Variants in RIC3 observed in about 807,000 individuals in gnomAD.
RIC3 encodes the protein RIC3 acetylcholine receptor chaperone, also known as protein RIC-3.
Under a neutral mutation model 27.3 loss-of-function variants are expected in RIC3, and 28 were observed. The ratio of observed to expected loss-of-function variants is 1.02; its 90% CI spans 0.76 to 1.41. RIC3 has a LOEUF of 1.41. RIC3 is among the 40% of genes most tolerant of loss of function. The pLI is 0.00. For missense variants in RIC3, 501 were observed against 444.7 expected (o/e 1.13, Z -1.14); for synonymous variants, 184 against 160.4 (o/e 1.15, Z -1.11).
the RIC3 span, among the ~76,000 whole-genome samples, chr11:8,098,270 G>A: frequency 6.6e-6 from 1 of 152,136 alleles, no homozygotes; most frequent in Non-Finnish European, 1.5e-5. Context: ...GGGCAGTGGG[G>A]AGGTAGGGTT....
chr11:8,099,309 G>A, the RIC3 span, among the ~76,000 whole-genome samples: 1 of 152,276 alleles, frequency 6.6e-6, no homozygotes, highest in South Asian at 2.1e-4. Flanking sequence ...AAGCTCAGCT[G>A]CAGATGTCAC....
At chr11:8,119,220 C>A (rs2133460513) in intron 5 of RIC3, among the ~76,000 whole-genome samples, 1 of 152,300 alleles carries the variant, frequency 6.6e-6, no homozygotes, top group South Asian at 2.1e-4. Flanking sequence ...CGTACACGCT[C>A]AGACACATGC....
intron 4 of RIC3, among the ~76,000 whole-genome samples, chr11:8,128,944 C>A (rs181464810): frequency 6.6e-6 from 1 of 151,556 alleles, no homozygotes; most frequent in African/African-American, 2.4e-5. Context: ...TTAGTAGAGA[C>A]GGGGTTTCAC....
At chr11:8,136,555 C>T (rs1037450073) in intron 4 of RIC3, among the ~76,000 whole-genome samples, 1 of 152,170 alleles carries the variant, frequency 6.6e-6, no homozygotes, top group Non-Finnish European at 1.5e-5. Flanking sequence ...CTTTCAGATC[C>T]TCAGCCAGCC....
downstream of RIC3, chr11:8,105,140 C>T (rs1944495584): frequency 6.6e-6 from 1 of 152,198 alleles, no homozygotes; most frequent in African/African-American, 2.4e-5. Flanking sequence ...ATTTCATCTC[C>T]TAGATGGACT....
intron 1 of RIC3, among the ~76,000 whole-genome samples, chr11:8,144,607 T>C (rs891824094): frequency 1.3e-5 from 2 of 151,966 alleles, no homozygotes; most frequent in Admixed American, 1.3e-4. Context: ...TCAACCATTG[T>C]GGAAGTCAGT....
rs80168649 is a variant in RIC3 at position 8,138,337 on chromosome 11, C to G, written c.362G>C (p.Gly121Ala). The part of the protein sequence containing the change: ...ILYILFKLSK[G>A]KTTAEDGKCY... ...TTTCCCATCCTCTGCAGTTGTTTTC[C>G]CCTTTGAGAGCTGAGAATTGAAGGA... The change falls in exon 3 of 6, where the codon GGG (glycine) becomes GCG (alanine). Residue 121 changes from glycine (G) to alanine (A), a missense_variant. Gly to Ala is a moderately conservative substitution (Grantham distance 60). Coordinates refer to ENST00000309737, the MANE Select transcript of RIC3 (RefSeq NM_001206671.4). 0.011 allele frequency: 17,026 copies of G among 1,611,466 alleles called. 163 individuals carry two copies. The highest frequency in any genetic ancestry group is 0.013 in the Non-Finnish European group (15,187 of 1,177,758).
In RIC3 at chr11:8,144,597, T is replaced by G. The variant is rs1462295685; in HGVS notation, c.125-4404A>C. 6.1e-5 allele frequency among the ~76,000 whole-genome samples: 9 copies of G among 147,190 alleles called. No homozygotes were observed. In the East Asian group the frequency reaches 1.6e-3, roughly 26 times the overall value. ...ACTGTTGGTGGGACTGTAAACTAGT[T>G]CAACCATTGTGGAAGTCAGTGTGGT... On this transcript the variant is annotated intron_variant, in intron 1 of 5. Coordinates refer to ENST00000309737, the MANE Select transcript of RIC3 (RefSeq NM_001206671.4).
chr11:8,137,361 G>A lies in RIC3; in HGVS notation c.521+17C>T, dbSNP rs112848789. On this transcript the variant is annotated intron_variant, in intron 4 of 5. Coordinates refer to ENST00000309737, the MANE Select transcript of RIC3 (RefSeq NM_001206671.4). ...CTAAATGAGAAATAGTCTGAGTCCC[G>A]TTACATGAAAACCTACCTCTCACCA... 2,333 of 1,601,236 alleles carry A rather than the reference G, an allele frequency of 1.5e-3. 23 individuals are homozygous for A. The African/African-American group carries it at 0.027, about 19-fold the overall frequency.
rs1174402888 is a variant in RIC3, at chr11:8,168,907, A to C, written c.83T>G (p.Leu28Arg). The C allele has an allele frequency of 1.9e-6, 3 of 1,612,032 alleles. No individual in the cohort carries two copies. The highest frequency in any genetic ancestry group is 2.5e-6 in the Non-Finnish European group (3 of 1,179,108). The part of the protein sequence containing the change: ...ALSLLLPKAF[L>R]SRGKRQEPPP... Reference sequence around the variant, plus strand: ...CGGCTCCTGCCGCTTCCCGCGGGACAGGAAGGCCTTGGGCAGCAGCAGCGA... The same window carrying C: ...CGGCTCCTGCCGCTTCCCGCGGGACCGGAAGGCCTTGGGCAGCAGCAGCGA... Residue 28 changes from leucine (L) to arginine (R), a missense_variant, in exon 1 of 6, where the codon CTG (leucine) becomes CGG (arginine). Coordinates refer to ENST00000309737, the MANE Select transcript of RIC3 (RefSeq NM_001206671.4).
intron 5 of RIC3, among the ~76,000 whole-genome samples, chr11:8,124,337 T>C (rs894077148): frequency 6.6e-6 from 1 of 152,134 alleles, no homozygotes; most frequent in African/African-American, 2.4e-5. Context: ...CCCTCACATA[T>C]GCAAGACCTA....
At chr11:8,164,469 T>C (rs1951487136) in intron 1 of RIC3, among the ~76,000 whole-genome samples, 1 of 152,076 alleles carries the variant, frequency 6.6e-6, no homozygotes, top group African/African-American at 2.4e-5. Flanking sequence ...CAAAGAACTC[T>C]TACAACTCAA....
At chr11:8,100,436 TC>T in the RIC3 span, 105 of 1,261,954 alleles carry the variant, frequency 8.3e-5, 2 homozygotes, top group South Asian at 2.6e-4. Context: ...TTTATTCCCG[TC>T]CCCCCCACCT....
intron 1 of RIC3, chr11:8,153,358 T>C (rs1012327130): frequency 1.4e-5 from 6 of 433,964 alleles, no homozygotes; most frequent in African/African-American, 8.2e-5. Context: ...ATAGTTACAA[T>C]GACATGGTAA....
At chr11:8,130,712 C>A (rs1283391565) in intron 4 of RIC3, among the ~76,000 whole-genome samples, 2 of 152,010 alleles carry the variant, frequency 1.3e-5, no homozygotes, top group African/African-American at 2.4e-5. Flanking sequence ...TAAAGCACAG[C>A]AAATCATGAC....
intron 5 of RIC3, among the ~76,000 whole-genome samples, chr11:8,116,290 A>C (rs1246962448): frequency 6.6e-6 from 1 of 152,228 alleles, no homozygotes; most frequent in Non-Finnish European, 1.5e-5. Flanking sequence ...CTCAAAATGC[A>C]CTGAAGACTT....
the RIC3 span, among the ~76,000 whole-genome samples, chr11:8,100,290 G>A: frequency 4.6e-5 from 7 of 152,312 alleles, no homozygotes; most frequent in African/African-American, 1.7e-4. Flanking sequence ...ATTGCCGTGA[G>A]CAGAAGCAAG....
chr11:8,157,134 T>A (rs887306018), intron 1 of RIC3, among the ~76,000 whole-genome samples: 33 of 152,164 alleles, frequency 2.2e-4, no homozygotes. Context: ...TCTGTGATCA[T>A]GACGGATCAA....
At position 8,163,018 on chromosome 11, in the gene RIC3, A is replaced by AACACACACACACACACACACAC. The variant is rs59248468; in HGVS notation, c.124+5826_124+5847dup. On this transcript the variant is annotated intron_variant, in intron 1 of 5. Transcript: ENST00000309737. ...CCTTCTTTTTCATCTGGATTATTTAAACACACACACACACACACACACACA... is the reference window on the plus strand; with the variant it reads ...CCTTCTTTTTCATCTGGATTATTTAAACACACACACACACACACACACACACACACACACACACACACACACA... Among the ~76,000 whole-genome samples, 76 of 136,038 alleles carry AACACACACACACACACACACAC rather than the reference A, an allele frequency of 5.6e-4. 1 individual carries two copies. The highest frequency in any genetic ancestry group is 1.2e-3 in the African/African-American group (42 of 36,454). 89.2% of individuals were successfully genotyped at this position (136,038 alleles called of 152,430 possible). A position where few individuals can be genotyped will look rare whatever the true frequency, so the allele number is the denominator to read the frequency against.
Sources: gnomAD v4.1 joint callset for allele counts (sites outside exome capture counted in the v4.1 genomes callset) on GRCh38, gnomAD v4.1.1 for gene constraint, MANE v1.5 for transcripts, NCBI Gene and HGNC (gene_info 2026-07-23, HGNC 2026-07-21) for gene names.